The following WNT9A variants were observed in gnomAD, a reference collection of about 807,000 sequenced individuals.
The protein encoded by WNT9A is Wnt family member 9A.
WNT9A carries 8 observed loss-of-function variants against 31.4 expected under a neutral mutation model. The ratio of observed to expected loss-of-function variants is 0.26; its 90% CI spans 0.15 to 0.46. The LOEUF is 0.46. Ranked by LOEUF, WNT9A falls within the 20% of genes least tolerant of loss-of-function variation. The pLI is 0.99. For missense variants in WNT9A, 457 were observed against 522.9 expected (o/e 0.87, Z 1.23); for synonymous variants, 236 against 220.1 (o/e 1.07, Z -0.64).
In WNT9A at chr1:227,918,811, G is replaced by A. The variant is rs1373950315; in HGVS notation, c.*2707C>T. ...CGCACGGAGACTCGGAGCACAGACA[G>A]GGCCCCTCCCACCCACCCACACCTG... On this transcript the variant is annotated 3_prime_UTR_variant, in exon 4 of 4. Transcript: ENST00000272164. The A allele has an allele frequency of 6.6e-6, 1 of 152,068 alleles. No homozygotes were observed. Among genetic ancestry groups the A allele is most frequent in the Non-Finnish European group, 1.5e-5 (1 of 68,034 alleles). 9.4% of individuals were successfully genotyped at this position (152,068 alleles called of 1,614,324 possible). A position where few individuals can be genotyped will look rare whatever the true frequency, so the allele number is the denominator to read the frequency against.
chr1:227,945,707 C>T (rs1284816899), intron 1 of WNT9A, among the ~76,000 whole-genome samples: 2 of 152,060 alleles, frequency 1.3e-5, no homozygotes, highest in East Asian at 3.9e-4. Context: ...CCAGCCCCGC[C>T]TGGCCTTTAA....
intron 1 of WNT9A, among the ~76,000 whole-genome samples, chr1:227,927,598 C>G (rs1774754): frequency 0.45 from 67,717 of 151,914 alleles, 15,352 homozygotes; most frequent in African/African-American, 0.54. Context: ...ACACAGAGCA[C>G]GGCTAGGGCG....
intron 1 of WNT9A, among the ~76,000 whole-genome samples, chr1:227,937,932 T>G (rs940753346): frequency 1.3e-5 from 2 of 152,176 alleles, no homozygotes; most frequent in African/African-American, 4.8e-5. Flanking sequence ...AAACCCAGCA[T>G]GAGGCCAGGG....
In WNT9A at chr1:227,921,826, C is replaced by A. The variant is rs1221130545; in HGVS notation, c.790G>T (p.Ala264Ser). ...GSTTNEAAGE[A>S]GAISPPRGRA... ...CCCCGTGGTGGGGAGATGGCACCTG[C>A]CTCGCCGGCAGCTTCATTGGTGGTG... The change falls in exon 4 of 4, where the codon GCA becomes TCA. Residue 264 changes from alanine to serine, a missense_variant. By Grantham distance (99) the Ala-to-Ser change is moderately conservative (BLOSUM62 1). Coordinates refer to ENST00000272164, the MANE Select transcript of WNT9A (RefSeq NM_003395.4). The A allele has an allele frequency of 1.9e-6, 3 of 1,613,058 alleles. No homozygotes were observed. In the East Asian group the frequency reaches 6.7e-5, roughly 36 times the overall value.
Position 227,920,378 on chromosome 1 carries a change from A to G in WNT9A, c.*1140T>C, listed in dbSNP as rs1217233864. 6 of 152,280 alleles carry G rather than the reference A, an allele frequency of 3.9e-5. No individual in the cohort carries two copies. The East Asian group carries it at 1.2e-3, about 29-fold the overall frequency. 9.4% of individuals were successfully genotyped at this position (152,280 alleles called of 1,614,324 possible). ...CAGGGACGGAAGGCGGGGCCCTCCC[A>G]GACTGGGGCTTGGCCGAGAGCGGGG... On this transcript the variant is annotated 3_prime_UTR_variant, in exon 4 of 4. Transcript: ENST00000272164.
chr1:227,940,422 A>G (rs1666678007), intron 1 of WNT9A, among the ~76,000 whole-genome samples: 1 of 152,162 alleles, frequency 6.6e-6, no homozygotes, highest in Non-Finnish European at 1.5e-5. Context: ...AGGGAGAGCC[A>G]CGCAACCTTC....
chr1:227,930,232 C>G (rs1471427293), intron 1 of WNT9A, among the ~76,000 whole-genome samples: 1 of 152,198 alleles, frequency 6.6e-6, no homozygotes, highest in Admixed American at 6.5e-5. Context: ...CTATGTGAAT[C>G]CATGCCGAGT....
At position 227,947,897 on chromosome 1, in the gene WNT9A, C is replaced by A. The variant is rs1666823794; in HGVS notation, c.-10G>T. ...GGGACCCATCCAGCATCTTGCCGCG[C>A]CTCGGCGGCCGACCATCGCGCTCCC... is the stretch of plus-strand genomic sequence containing the variant. On this transcript the variant is annotated 5_prime_UTR_variant, in exon 1 of 4. Coordinates refer to ENST00000272164, the MANE Select transcript of WNT9A (RefSeq NM_003395.4). 8.5e-6 allele frequency: 9 copies of A among 1,063,926 alleles called. No homozygotes were observed. Among genetic ancestry groups the A allele is most frequent in the Non-Finnish European group, 1.0e-5 (9 of 881,788 alleles). 65.9% of individuals were successfully genotyped at this position (1,063,926 alleles called of 1,614,324 possible).
intron 1 of WNT9A, among the ~76,000 whole-genome samples, chr1:227,944,078 C>T (rs1572137156): frequency 6.6e-6 from 1 of 152,152 alleles, no homozygotes; most frequent in South Asian, 2.1e-4. Flanking sequence ...CAAAACCTCA[C>T]ATACCAATGC....
chr1:227,934,263 A>T (rs953999313), intron 1 of WNT9A, among the ~76,000 whole-genome samples: 1 of 152,218 alleles, frequency 6.6e-6, no homozygotes, highest in African/African-American at 2.4e-5. Context: ...GGGAAATCAG[A>T]TGTTTTCCAA....
chr1:227,940,409 G>C (rs1457779074), intron 1 of WNT9A, among the ~76,000 whole-genome samples: 1 of 152,188 alleles, frequency 6.6e-6, no homozygotes, highest in Non-Finnish European at 1.5e-5. Context: ...TGGTCAGCAG[G>C]ACAGGGAGAG....
intron 1 of WNT9A, among the ~76,000 whole-genome samples, chr1:227,931,280 T>C (rs1276982435): frequency 1.3e-5 from 2 of 152,178 alleles, no homozygotes; most frequent in Non-Finnish European, 2.9e-5. Context: ...CTAGATGTCT[T>C]CCGATAGTGT....
intron 1 of WNT9A, among the ~76,000 whole-genome samples, chr1:227,939,497 C>T (rs1666656195): frequency 6.6e-6 from 1 of 152,144 alleles, no homozygotes; most frequent in African/African-American, 2.4e-5. Context: ...CTGAGGGCAG[C>T]TAAACGGGCC....
Position 227,921,384 on chromosome 1 carries a change from AC to A in WNT9A, c.*133del. Reference sequence around the variant, plus strand: ...AGCCCATGCAGGTGTAGACCCATTCACACTGTGTGCAATGCCTGTACCCCAC... The same window carrying A: ...AGCCCATGCAGGTGTAGACCCATTCAACTGTGTGCAATGCCTGTACCCCAC... On this transcript the variant is annotated 3_prime_UTR_variant, in exon 4 of 4. Coordinates refer to ENST00000272164, the MANE Select transcript of WNT9A (RefSeq NM_003395.4). 7.8e-6 allele frequency: 11 copies of A among 1,406,414 alleles called. No homozygotes were observed. Among genetic ancestry groups the A allele is most frequent in the Non-Finnish European group, 1.1e-5 (11 of 1,044,194 alleles). 87.1% of individuals were successfully genotyped at this position (1,406,414 alleles called of 1,614,324 possible). A position where few individuals can be genotyped will look rare whatever the true frequency, so the allele number is the denominator to read the frequency against.
At chr1:227,946,660 G>A (rs1666798219) in intron 1 of WNT9A, among the ~76,000 whole-genome samples, 1 of 152,242 alleles carries the variant, frequency 6.6e-6, no homozygotes, top group Admixed American at 6.5e-5. Context: ...AAACACAAAG[G>A]GAAAGTTTCC....
rs1035841754 is a variant in WNT9A, at chr1:227,947,896, G to C, written c.-9C>G. On this transcript the variant is annotated 5_prime_UTR_variant, in exon 1 of 4. Transcript: ENST00000272164. ...GGGGACCCATCCAGCATCTTGCCGC[G>C]CCTCGGCGGCCGACCATCGCGCTCC... The C allele has an allele frequency of 2.2e-5, 23 of 1,063,716 alleles. No individual in the cohort carries two copies. Among genetic ancestry groups the C allele is most frequent in the Admixed American group, 5.5e-5 (1 of 18,348 alleles). The allele number at this position is 1,063,716 out of a possible 1,614,324, so 65.9% of individuals were successfully genotyped here.
chr1:227,937,187 G>C (rs1428986954), intron 1 of WNT9A, among the ~76,000 whole-genome samples: 6 of 152,112 alleles, frequency 3.9e-5, no homozygotes, highest in Non-Finnish European at 7.3e-5. Context: ...GTGGTTTCCC[G>C]AGCCTTGCAG....
At chr1:227,936,513 T>C (rs621963) in intron 1 of WNT9A, among the ~76,000 whole-genome samples, 79,451 of 151,984 alleles carry the variant, frequency 0.52, 20,956 homozygotes, top group African/African-American at 0.59. Context: ...TTTTGTATTT[T>C]TAGTAGAGAC....
At position 227,924,248 on chromosome 1, in the gene WNT9A, C is replaced by T. The variant is rs1289226577; in HGVS notation, c.505G>A (p.Gly169Arg). The change falls in exon 3 of 4, where the codon GGA (glycine) becomes AGA (arginine). Residue 169 changes from glycine to arginine, a missense_variant. Transcript: ENST00000272164. ...NREAWQWGGC[G>R]DNLKYSSKFV... ...TTGCTGCTGTACTTAAGGTTGTCTC[C>T]GCAGCCCCCCCACTGCCAGGCCTCA... is the stretch of plus-strand genomic sequence containing the variant. 7.4e-6 allele frequency: 12 copies of T among 1,613,838 alleles called. No individual in the cohort carries two copies. Among genetic ancestry groups the T allele is most frequent in the South Asian group, 1.1e-5 (1 of 91,086 alleles).
Sources: allele counts gnomAD v4.1 joint callset (sites outside exome capture counted in the v4.1 genomes callset), GRCh38; gene constraint gnomAD v4.1.1; transcripts MANE v1.5; gene names NCBI Gene and HGNC (gene_info 2026-07-23, HGNC 2026-07-21).